Variants in LSAMP observed in about 807,000 individuals in gnomAD.
LSAMP encodes limbic system-associated membrane protein.
In LSAMP, 7 loss-of-function variants were observed where a neutral mutation model predicts 38.6. The ratio of observed to expected loss-of-function variants is 0.18; its 90% CI spans 0.10 to 0.34. The LOEUF (loss-of-function observed/expected upper bound fraction) is 0.34. Among genes scored for constraint, LSAMP ranks in the 10% least tolerant of loss-of-function variants. LSAMP has a pLI of 1.00. For missense variants in LSAMP, 313 were observed against 420.0 expected, an observed-to-expected ratio of 0.75 and a Z score of 2.23; for synonymous variants, 154 against 166.8, an observed-to-expected ratio of 0.92 and a Z score of 0.59.
At chr3:116,040,415 C>T (rs540044582) in intron 2 of LSAMP, among the ~76,000 whole-genome samples, 8 of 151,250 alleles carry the variant, frequency 5.3e-5, no homozygotes, top group Non-Finnish European at 1.2e-4. Context: ...GTGTAGAGCT[C>T]ATCTGGACAA....
At chr3:116,006,099 G>A (rs1940152347) in intron 3 of LSAMP, among the ~76,000 whole-genome samples, 1 of 152,174 alleles carries the variant, frequency 6.6e-6, no homozygotes, top group South Asian at 2.1e-4. Flanking sequence ...ACTGAATTGT[G>A]TCCCTCCAAA....
intron 3 of LSAMP, among the ~76,000 whole-genome samples, chr3:115,987,530 A>T (rs768121257): frequency 3.3e-5 from 5 of 152,158 alleles, no homozygotes; most frequent in Admixed American, 6.5e-5. Flanking sequence ...ATTAATTTAG[A>T]TCCCTTTCCC....
intron 6 of LSAMP, among the ~76,000 whole-genome samples, chr3:115,821,402 T>C (rs1934233375): frequency 6.6e-6 from 1 of 152,226 alleles, no homozygotes; most frequent in Non-Finnish European, 1.5e-5. Flanking sequence ...TCTCTAATCC[T>C]CTACTTATAA....
intron 3 of LSAMP, among the ~76,000 whole-genome samples, chr3:115,982,555 G>A (rs1939392498): frequency 1.3e-5 from 2 of 152,142 alleles, no homozygotes; most frequent in South Asian, 2.1e-4. Context: ...GGTCCTCAGT[G>A]TCTCAATTTC....
intron 1 of LSAMP, among the ~76,000 whole-genome samples, chr3:116,249,860 T>A (rs2046656858): frequency 6.6e-6 from 1 of 152,204 alleles, no homozygotes; most frequent in South Asian, 2.1e-4. Context: ...TTATTACCGA[T>A]GACAATATCA....
chr3:116,425,748 A>G (rs867532418), intron 1 of LSAMP, among the ~76,000 whole-genome samples: 3 of 152,232 alleles, frequency 2.0e-5, no homozygotes, highest in Middle Eastern at 3.4e-3. Flanking sequence ...TAAATAATAA[A>G]TAAATTAATT....
chr3:116,357,625 G>C (rs899140929), intron 1 of LSAMP, among the ~76,000 whole-genome samples: 3 of 152,114 alleles, frequency 2.0e-5, no homozygotes, highest in Admixed American at 2.0e-4. Context: ...TTCAAATACA[G>C]AGTACACTCC....
intron 1 of LSAMP, among the ~76,000 whole-genome samples, chr3:116,431,460 T>A (rs1032241564): frequency 1.3e-5 from 2 of 152,092 alleles, no homozygotes; most frequent in Non-Finnish European, 2.9e-5. Context: ...AGGCTTTTGG[T>A]GGGTAGAGTG....
chr3:116,139,521 A>G (rs1298900998), intron 1 of LSAMP, among the ~76,000 whole-genome samples: 1 of 151,978 alleles, frequency 6.6e-6, no homozygotes, highest in Non-Finnish European at 1.5e-5. Context: ...CTTCATCCCC[A>G]CAACAGATAC....
At chr3:116,378,523 A>G (rs1317040924) in intron 1 of LSAMP, among the ~76,000 whole-genome samples, 5 of 152,102 alleles carry the variant, frequency 3.3e-5, no homozygotes, top group Non-Finnish European at 2.9e-5. Context: ...TAGAAGTCAT[A>G]AAGAGCTACA....
In LSAMP at chr3:115,904,596, C is replaced by A. The variant is rs142383007; in HGVS notation, c.515-51979G>T. 5.1e-3 allele frequency among the ~76,000 whole-genome samples: 776 copies of A among 151,510 alleles called. 10 individuals carry two copies. Among genetic ancestry groups the A allele is most frequent in the African/African-American group, 0.018 (746 of 41,212 alleles). ...TTTCTTCCTAACCTGTGTCCTTGTC[C>A]CTTCTCTCACCTCTCCCAGATCTAC... On this transcript the variant is annotated intron_variant, in intron 3 of 6. Transcript: ENST00000490035.
chr3:115,854,294 T>A lies in LSAMP; in HGVS notation c.515-1677A>T, dbSNP rs1484470639. Among the ~76,000 whole-genome samples, 246 of 140,886 alleles carry A rather than the reference T, an allele frequency of 1.7e-3. 1 individual carries two copies. Among genetic ancestry groups the A allele is most frequent in the African/African-American group, 5.1e-3 (195 of 38,600 alleles). The allele number at this position is 140,886 out of a possible 152,430, so 92.4% of individuals were successfully genotyped here. A position where few individuals can be genotyped will look rare whatever the true frequency, so the allele number is the denominator to read the frequency against. On this transcript the variant is annotated intron_variant, in intron 3 of 6. Transcript: ENST00000490035. ...TATTATTATTATTATTTTTTTTTTT[T>A]TTTTTTGAGATGGAGTCCCGCTCTT...
intron 2 of LSAMP, among the ~76,000 whole-genome samples, chr3:116,021,038 G>T (rs570349014): frequency 6.6e-6 from 1 of 152,220 alleles, no homozygotes; most frequent in South Asian, 2.1e-4. Flanking sequence ...GCAACTGACT[G>T]GTTCAGAGTG....
intron 1 of LSAMP, among the ~76,000 whole-genome samples, chr3:116,222,395 T>TTA (rs1181992410): frequency 6.6e-6 from 1 of 152,182 alleles, no homozygotes; most frequent in East Asian, 1.9e-4. Flanking sequence ...GTGCTCATTT[T>TTA]AAACTTTTAA....
chr3:115,963,807 G>GCAGTGGCACAAT (rs1227663178), intron 3 of LSAMP, among the ~76,000 whole-genome samples: 14 of 152,142 alleles, frequency 9.2e-5, no homozygotes, highest in African/African-American at 3.1e-4. Flanking sequence ...AGGCTGGAGT[G>GCAGTGGCACAAT]CAGTGGCACA....
intron 3 of LSAMP, among the ~76,000 whole-genome samples, chr3:115,892,005 A>C (rs1490805260): frequency 2.0e-5 from 3 of 152,164 alleles, no homozygotes; most frequent in Admixed American, 6.6e-5. Flanking sequence ...ATATCACTTA[A>C]CATTGCAGGA....
At chr3:116,139,024 C>T (rs1246058066) in intron 1 of LSAMP, among the ~76,000 whole-genome samples, 1 of 151,486 alleles carries the variant, frequency 6.6e-6, no homozygotes, top group East Asian at 1.9e-4. Context: ...ATATATAATG[C>T]ATATGCACAT....
chr3:116,382,884 A>G (rs1031705936), intron 1 of LSAMP, among the ~76,000 whole-genome samples: 3 of 152,122 alleles, frequency 2.0e-5, no homozygotes, highest in Non-Finnish European at 4.4e-5. Flanking sequence ...TACTGAAAAT[A>G]TCTTCTGTAA....
chr3:115,816,420 A>G (rs1250035449), intron 6 of LSAMP, among the ~76,000 whole-genome samples: 1 of 152,206 alleles, frequency 6.6e-6, no homozygotes, highest in Non-Finnish European at 1.5e-5. Flanking sequence ...CAAGAGCAAT[A>G]TAAGGGTCAT....
Sources: allele counts gnomAD v4.1 joint callset (sites outside exome capture counted in the v4.1 genomes callset), GRCh38; gene constraint gnomAD v4.1.1; transcripts MANE v1.5; gene names NCBI Gene and HGNC (gene_info 2026-07-23, HGNC 2026-07-21).